Variants in DRD2 observed in about 807,000 individuals in gnomAD.
The protein encoded by DRD2 is D(2) dopamine receptor.
Under a neutral mutation model 38.0 loss-of-function variants are expected in DRD2, and 8 were observed. The ratio of observed to expected loss-of-function variants is 0.21; its 90% CI spans 0.12 to 0.38. The LOEUF (loss-of-function observed/expected upper bound fraction) is 0.38. DRD2 is among the 10% of genes least tolerant of loss of function. The pLI, the probability that DRD2 is intolerant of heterozygous loss-of-function variation, is 1.00. For missense variants in DRD2, 403 were observed against 607.7 expected, an observed-to-expected ratio of 0.66 and a Z score of 3.54; for synonymous variants, 230 against 238.6, an observed-to-expected ratio of 0.96 and a Z score of 0.33.
At chr11:113,452,700 T>C (rs1424740854) in intron 1 of DRD2, among the ~76,000 whole-genome samples, 1 of 150,384 alleles carries the variant, frequency 6.6e-6, no homozygotes, top group Non-Finnish European at 1.5e-5. Context: ...CAGGCTGGAG[T>C]GCAGTGGTGC....
At chr11:113,417,850 G>T (rs187616221) in intron 3 of DRD2, among the ~76,000 whole-genome samples, 177 bp downstream of exon 3, 88 of 152,238 alleles carry the variant, frequency 5.8e-4, no homozygotes, top group African/African-American at 2.1e-3. Context: ...GGGAGTGTGT[G>T]CTCTCCTAGC....
intron 2 of DRD2, among the ~76,000 whole-genome samples, chr11:113,423,556 G>A (rs182090303): frequency 2.0e-5 from 3 of 152,328 alleles, no homozygotes; most frequent in African/African-American, 7.2e-5. Flanking sequence ...TTACAGGCGT[G>A]AGCCACCGTG....
At chr11:113,416,405 C>T (rs539495417) in intron 4 of DRD2, among the ~76,000 whole-genome samples, 22 of 152,312 alleles carry the variant, frequency 1.4e-4, no homozygotes, top group African/African-American at 5.1e-4. Flanking sequence ...TCTAGCTTTC[C>T]TGCTCCAGGT....
intron 1 of DRD2, among the ~76,000 whole-genome samples, chr11:113,437,818 G>A (rs1038380110): frequency 6.6e-5 from 10 of 152,128 alleles, no homozygotes; most frequent in Non-Finnish European, 1.3e-4. Context: ...CAGGGTGTGC[G>A]TCCACCACCA....
At chr11:113,433,590 G>A (rs775925693) in intron 1 of DRD2, among the ~76,000 whole-genome samples, 6 of 152,170 alleles carry the variant, frequency 3.9e-5, no homozygotes, top group African/African-American at 9.7e-5. Context: ...CAGAGGCAGC[G>A]AGGCAGCAGA....
intron 1 of DRD2, among the ~76,000 whole-genome samples, chr11:113,431,600 G>A (rs1293238119): frequency 6.6e-6 from 1 of 152,192 alleles, no homozygotes; most frequent in Non-Finnish European, 1.5e-5. Flanking sequence ...CAGGACCCCT[G>A]CCTGTCAAGT....
intron 1 of DRD2, among the ~76,000 whole-genome samples, chr11:113,427,873 T>A (rs1371422212): frequency 1.3e-5 from 2 of 152,152 alleles, no homozygotes; most frequent in African/African-American, 4.8e-5. Flanking sequence ...TATGTTAAAA[T>A]GAGACGCTTA....
At chr11:113,466,660 T>C (rs113426699) in intron 1 of DRD2, among the ~76,000 whole-genome samples, 13 of 152,296 alleles carry the variant, frequency 8.5e-5, no homozygotes, top group African/African-American at 3.1e-4. Context: ...ACTGCCACTC[T>C]TGTTAAGCTG....
intron 1 of DRD2, among the ~76,000 whole-genome samples, chr11:113,439,279 T>C (rs1951065051): frequency 6.6e-6 from 1 of 152,196 alleles, no homozygotes; most frequent in Non-Finnish European, 1.5e-5. Flanking sequence ...AAGTGCTTCC[T>C]GGATGTTTGT....
chr11:113,458,161 C>A (rs1951284447), intron 1 of DRD2, among the ~76,000 whole-genome samples: 1 of 152,236 alleles, frequency 6.6e-6, no homozygotes, highest in Non-Finnish European at 1.5e-5. Flanking sequence ...TTAAATGGTG[C>A]CTAACCTGGG....
At chr11:113,419,847 G>A (rs1950868877) in intron 2 of DRD2, among the ~76,000 whole-genome samples, 1 of 152,212 alleles carries the variant, frequency 6.6e-6, no homozygotes, top group Admixed American at 6.5e-5. Flanking sequence ...CTGTCATCCT[G>A]TGTGGCAGAA....
chr11:113,410,718 G>A lies in DRD2; in HGVS notation c.*9C>T. On this transcript the variant is annotated 3_prime_UTR_variant, in exon 8 of 8. Transcript: ENST00000362072. ...GGGAAGCAGGCTGCTGTGCGGGCAG[G>A]CAGCAGAGTCAGCAGTGGAGGATCT... 2 of 1,614,146 alleles carry A rather than the reference G, an allele frequency of 1.2e-6. No homozygotes were observed. Among genetic ancestry groups the A allele is most frequent in the South Asian group, 2.2e-5 (2 of 91,080 alleles).
At chr11:113,458,136 C>T (rs1334838014) in intron 1 of DRD2, among the ~76,000 whole-genome samples, 1 of 152,260 alleles carries the variant, frequency 6.6e-6, no homozygotes, top group African/African-American at 2.4e-5. Flanking sequence ...CTGCCTGAGG[C>T]AACAGCTCTG....
chr11:113,445,951 C>T (rs1951144339), intron 1 of DRD2, among the ~76,000 whole-genome samples: 1 of 152,158 alleles, frequency 6.6e-6, no homozygotes, highest in African/African-American at 2.4e-5. Flanking sequence ...GCCTTGGAGG[C>T]ATTTTCCAGC....
intron 1 of DRD2, among the ~76,000 whole-genome samples, chr11:113,468,640 C>T (rs1951392481): frequency 6.6e-6 from 1 of 152,156 alleles, no homozygotes; most frequent in Non-Finnish European, 1.5e-5. Flanking sequence ...CTCTACCTCC[C>T]AGGTTCAAGC....
At chr11:113,466,012 T>G (rs761157276) in intron 1 of DRD2, among the ~76,000 whole-genome samples, 26 of 152,304 alleles carry the variant, frequency 1.7e-4, no homozygotes, top group Non-Finnish European at 2.8e-4. Context: ...GGTAAGTATA[T>G]AGTCATCCTG....
chr11:113,439,959 C>T (rs7125415), intron 1 of DRD2, among the ~76,000 whole-genome samples: 21,110 of 148,496 alleles, frequency 0.14, 1,857 homozygotes, highest in East Asian at 0.43. Context: ...CAATTAAGGT[C>T]TCTAGACAGG....
intron 1 of DRD2, among the ~76,000 whole-genome samples, chr11:113,445,066 A>G (rs1199083306): frequency 1.3e-5 from 2 of 152,298 alleles, no homozygotes; most frequent in African/African-American, 4.8e-5. Flanking sequence ...ACACTCCATC[A>G]CAAGTGTGAA....
Position 113,415,444 on chromosome 11 carries a change from C to T in DRD2, c.700G>A (p.Ala234Thr), listed in dbSNP as rs759201066. The T allele has an allele frequency of 6.2e-7, 1 of 1,613,500 alleles. No homozygotes were observed. Among genetic ancestry groups the T allele is most frequent in the Non-Finnish European group, 8.5e-7 (1 of 1,179,642 alleles). Residue 234 changes from alanine (A) to threonine (T), a missense_variant, in exon 5 of 8, where the codon GCC becomes ACC. Transcript: ENST00000362072. Reference sequence around the variant, plus strand: ...ACCTTTAGTGGAGCCCTCAGGTGGGCCCTGAAAGCTCGGCTGCTGCGTTTG... The same window carrying T: ...ACCTTTAGTGGAGCCCTCAGGTGGGTCCTGAAAGCTCGGCTGCTGCGTTTG... ...NTKRSSRAFR[A>T]HLRAPLKGNC...
Sources: gnomAD v4.1 joint callset for allele counts (sites outside exome capture counted in the v4.1 genomes callset) on GRCh38, gnomAD v4.1.1 for gene constraint, MANE v1.5 for transcripts, NCBI Gene and HGNC (gene_info 2026-07-23, HGNC 2026-07-21) for gene names.